Variants in DVL1 observed in about 807,000 individuals in gnomAD.
DVL1 encodes the protein dishevelled segment polarity protein 1, also known as segment polarity protein dishevelled homolog DVL-1.
DVL1 carries 49 observed loss-of-function variants against 65.0 expected under a neutral mutation model. The observed-to-expected ratio is 0.75, with a 90% confidence interval of 0.60 to 0.96. The LOEUF is 0.96. Ranked by LOEUF, DVL1 falls within the 40% of genes least tolerant of loss-of-function variation. The pLI, the probability that DVL1 is intolerant of heterozygous loss-of-function variation, is 0.00. For synonymous variants in DVL1, 608 were observed against 433.9 expected (o/e 1.40, Z -4.99); for missense variants, 1,197 against 1,045.4 (o/e 1.15, Z -2.00).
intron 1 of DVL1, among the ~76,000 whole-genome samples, chr1:1,348,267 C>T (rs907529850): frequency 5.9e-5 from 9 of 152,152 alleles, no homozygotes; most frequent in African/African-American, 1.9e-4. Flanking sequence ...CAGGCTGCCC[C>T]GAAACAGCAG....
At chr1:1,348,136 A>G (rs1368604850) in intron 1 of DVL1, among the ~76,000 whole-genome samples, 4 of 152,200 alleles carry the variant, frequency 2.6e-5, no homozygotes, top group Non-Finnish European at 4.4e-5. Flanking sequence ...GGGCCGGGCC[A>G]GGCCAGGCCT....
intron 14 of DVL1, chr1:1,337,097 C>T (rs895109660): frequency 6.3e-5 from 62 of 987,822 alleles, no homozygotes; most frequent in African/African-American, 7.0e-5. Flanking sequence ...GTTACACGCC[C>T]GGCTGCCTGG....
At chr1:1,345,246 G>A (rs1047596152) in intron 1 of DVL1, among the ~76,000 whole-genome samples, 3 of 152,226 alleles carry the variant, frequency 2.0e-5, no homozygotes, top group Non-Finnish European at 2.9e-5. Context: ...TACTCACTCC[G>A]CCCTCTTCAG....
At position 1,341,806 on chromosome 1, in the gene DVL1, C is replaced by T; in HGVS notation, c.467-1G>A. On this transcript the variant is annotated splice_acceptor_variant, in intron 4 of 14. Transcript: ENST00000378888. LOFTEE classifies it high-confidence loss of function. ...CTTGGGTGCCCATTGGTCCGGGCGG[C>T]TGTGGGGGCAGCAGGTTGGGAACTG... 6.3e-7 allele frequency: 1 copy of T among 1,576,802 alleles called. No individual in the cohort carries two copies.
At position 1,338,398 on chromosome 1, in the gene DVL1, C is replaced by T. The variant is rs2100718704; in HGVS notation, c.1378G>A (p.Gly460Ser). 3 of 1,612,666 alleles carry T rather than the reference C, an allele frequency of 1.9e-6. No individual in the cohort carries two copies. The highest frequency in any genetic ancestry group is 2.5e-6 in the Non-Finnish European group (3 of 1,179,882). Reference sequence around the variant, plus strand: ...CGGGCCTCCCGCCGCTCCTTGAAGCCCTCCACGTGTGTGTACAGCCAGTCC... The same window carrying T: ...CGGGCCTCCCGCCGCTCCTTGAAGCTCTCCACGTGTGTGTACAGCCAGTCC... The part of the protein sequence containing the change: ...VVDWLYTHVE[G>S]FKERREARKY... The change falls in exon 13 of 15, where the codon GGC becomes AGC. Residue 460 changes from glycine (G) to serine (S), a missense_variant. Coordinates refer to ENST00000378888, the MANE Select transcript of DVL1 (RefSeq NM_001330311.2).
intron 13 of DVL1, 34 bp downstream of exon 13, chr1:1,338,235 C>CCCCCCCCCCCGAG: frequency 6.6e-7 from 1 of 1,517,862 alleles, no homozygotes; most frequent in Non-Finnish European, 9.0e-7. Context: ...GCGTTCCCCT[C>CCCCCCCCCCCGAG]CCCCCCGCCC....
intron 5 of DVL1, 96 bp from the exon 6 acceptor site, chr1:1,340,599 G>A: frequency 1.5e-6 from 2 of 1,359,928 alleles, no homozygotes; most frequent in Middle Eastern, 2.1e-4. Context: ...GGGGGTCTAG[G>A]CCAGGCTTGT....
intron 11 of DVL1, 147 bp downstream of exon 11, chr1:1,339,140 G>A (rs1398867081): frequency 6.2e-6 from 7 of 1,125,670 alleles, no homozygotes; most frequent in South Asian, 4.6e-5. Context: ...ACGGGTGCCT[G>A]TGCACACGTC....
At chr1:1,338,229 T>TTGCCCCCCCCCCCCCCCCCCAA in intron 13 of DVL1, 40 bp downstream of exon 13, 1 of 1,522,368 alleles carries the variant, frequency 6.6e-7, no homozygotes, top group Non-Finnish European at 9.0e-7. Context: ...CCTCCGGCGT[T>TTGCCCCCCCCCCCCCCCCCCAA]CCCCTCCCCC....
At position 1,341,764 on chromosome 1, in the gene DVL1, CCCG is replaced by C. The variant is rs1643839996; in HGVS notation, c.505_507del (p.Arg169del). The C allele has an allele frequency of 1.2e-6, 2 of 1,604,332 alleles. No homozygotes were observed. Among genetic ancestry groups the C allele is most frequent in the Non-Finnish European group, 1.7e-6 (2 of 1,175,122 alleles). On this transcript the variant is annotated inframe_deletion, in exon 5 of 15. Coordinates refer to ENST00000378888, the MANE Select transcript of DVL1 (RefSeq NM_001330311.2). Reference sequence around the variant, plus strand: ...GCGCTGTCTGGGGGCAGCCCCACATCCCGCCGTCGGTCTCCCCTTGGGTGCCCA... The same window carrying C: ...GCGCTGTCTGGGGGCAGCCCCACATCCCGTCGGTCTCCCCTTGGGTGCCCA...
intron 3 of DVL1, 97 bp downstream of exon 3, chr1:1,342,266 C>T (rs1643860448): frequency 6.7e-7 from 1 of 1,495,916 alleles, no homozygotes; most frequent in South Asian, 1.3e-5. Flanking sequence ...AGGTGCCACG[C>T]CCGCCTACTG....
In DVL1 at chr1:1,336,380, C is replaced by T. The variant is rs140108185; in HGVS notation, c.1850G>A (p.Arg617Gln). Residue 617 changes from arginine to glutamine, a missense_variant, in exon 15 of 15, where the codon CGA becomes CAA. Transcript: ENST00000378888. ...TAPSGVGSSW[R>Q]ERPAGQLSRG... ...GCTGAGCTGGCCGGCCGGACGCTCTCGCCAGCTGCTCCCCACCCCACTCGG... is the reference window on the plus strand; with the variant it reads ...GCTGAGCTGGCCGGCCGGACGCTCTTGCCAGCTGCTCCCCACCCCACTCGG... 38 of 1,598,410 alleles carry T rather than the reference C, an allele frequency of 2.4e-5. No homozygotes were observed. In the African/African-American group the frequency reaches 2.7e-4, roughly 11 times the overall value.
chr1:1,343,264 C>CTG (rs1557671981), intron 1 of DVL1, among the ~76,000 whole-genome samples: 1 of 151,858 alleles, frequency 6.6e-6, no homozygotes, highest in Admixed American at 6.5e-5. Context: ...GGAGCCCCCC[C>CTG]CCCCCAGGGC....
At chr1:1,340,544 G>T (rs1366834203) in intron 5 of DVL1, 41 bp from the exon 6 acceptor site, 1 of 1,558,992 alleles carries the variant, frequency 6.4e-7, no homozygotes, top group East Asian at 2.4e-5. Flanking sequence ...CTGGAGACAT[G>T]GGTAGGGGGG....
In DVL1 at chr1:1,336,527, A is replaced by G; in HGVS notation, c.1715-12T>C. 1 of 1,500,506 alleles carries G rather than the reference A, an allele frequency of 6.7e-7. No homozygotes were observed. Among genetic ancestry groups the G allele is most frequent in the Non-Finnish European group, 8.8e-7 (1 of 1,134,208 alleles). 92.9% of individuals were successfully genotyped at this position (1,500,506 alleles called of 1,614,324 possible). On this transcript the variant is annotated splice_polypyrimidine_tract_variant and intron_variant, in intron 14 of 14. Coordinates refer to ENST00000378888, the MANE Select transcript of DVL1 (RefSeq NM_001330311.2). The stretch of plus-strand genomic sequence containing the variant: ...ACTGCTTTTGCTCCCTGGGAGTGAG[A>G]ACAGGATGGGGAAGGAGCCTGTCAG...
intron 1 of DVL1, among the ~76,000 whole-genome samples, chr1:1,348,120 G>A (rs1333769257): frequency 6.6e-6 from 1 of 152,220 alleles, no homozygotes; most frequent in East Asian, 1.9e-4. Context: ...CAGGTTACTG[G>A]TGGCTGGGCC....
intron 11 of DVL1, 93 bp from the exon 12 acceptor site, chr1:1,338,746 T>C (rs1466513253): frequency 6.7e-7 from 1 of 1,501,222 alleles, no homozygotes; most frequent in East Asian, 2.4e-5. Context: ...GGGCAGAGCC[T>C]GCGCCAGGGC....
chr1:1,342,468 C>A lies in DVL1; in HGVS notation c.257G>T (p.Gly86Val). Residue 86 changes from glycine to valine, a missense_variant, in exon 3 of 15, where the codon GGT becomes GTT. Transcript: ENST00000378888. ...CTGGGACCCCGCATCCGAGTGAGCA[C>A]CCTCAGCCAGGACCAGCTGTGGAGG... The part of the protein sequence containing the change: ...RVVSWLVLAE[G>V]AHSDAGSQGT... 1 of 1,610,128 alleles carries A rather than the reference C, an allele frequency of 6.2e-7. No homozygotes were observed. The highest frequency in any genetic ancestry group is 8.5e-7 in the Non-Finnish European group (1 of 1,179,302).
chr1:1,348,064 G>A (rs976627262), intron 1 of DVL1, among the ~76,000 whole-genome samples: 2 of 152,198 alleles, frequency 1.3e-5, no homozygotes, highest in Non-Finnish European at 2.9e-5. Flanking sequence ...CTGGGGCCAC[G>A]AGGCCTGAGC....
Sources: gnomAD v4.1 joint callset for allele counts (sites outside exome capture counted in the v4.1 genomes callset) on GRCh38, gnomAD v4.1.1 for gene constraint, MANE v1.5 for transcripts, NCBI Gene and HGNC (gene_info 2026-07-23, HGNC 2026-07-21) for gene names.